Variants in MAST4 observed in about 807,000 individuals in gnomAD.
MAST4 encodes microtubule-associated serine/threonine-protein kinase 4.
In MAST4, 89 loss-of-function variants were observed where a neutral mutation model predicts 162.7. The observed-to-expected ratio is 0.55, with a 90% confidence interval of 0.46 to 0.65. The LOEUF is 0.65. Ranked by LOEUF, MAST4 falls within the 30% of genes least tolerant of loss-of-function variation. The probability of loss-of-function intolerance (pLI) is 0.00; values close to 1 mark genes in which losing one functional copy is unlikely to be tolerated. For missense variants in MAST4, 3,153 were observed against 3,374.0 expected (o/e 0.93, Z 1.62); for synonymous variants, 1,479 against 1,361.1 (o/e 1.09, Z -1.91).
intron 4 of MAST4, chr5:66,986,393 A>C: frequency 1.6e-6 from 2 of 1,227,318 alleles, no homozygotes; most frequent in Non-Finnish European, 2.3e-6. Flanking sequence ...TAGAAAGAAA[A>C]TCTGTAAATG....
intron 4 of MAST4, among the ~76,000 whole-genome samples, chr5:66,980,638 T>C (rs1748682786): frequency 6.6e-6 from 1 of 152,226 alleles, no homozygotes; most frequent in Non-Finnish European, 1.5e-5. Context: ...TTTAGTATGG[T>C]TCAACAAAGA....
intron 4 of MAST4, among the ~76,000 whole-genome samples, chr5:66,971,564 C>T (rs554858793): frequency 3.9e-5 from 6 of 152,202 alleles, no homozygotes; most frequent in Non-Finnish European, 7.3e-5. Context: ...TTGGGCCTCA[C>T]AGCTCAAGAT....
chr5:67,021,643 CAG>C (rs1333580316), intron 4 of MAST4, among the ~76,000 whole-genome samples: 1 of 152,064 alleles, frequency 6.6e-6, no homozygotes, highest in East Asian at 1.9e-4. Context: ...AGTTTCTTAG[CAG>C]TTTTGATTAG....
At chr5:66,940,113 G>GTATA (rs753299840) in intron 4 of MAST4, among the ~76,000 whole-genome samples, 4 of 152,030 alleles carry the variant, frequency 2.6e-5, no homozygotes, top group Non-Finnish European at 4.4e-5. Context: ...GTATATGTAT[G>GTATA]TATATACACA....
intron 3 of MAST4, among the ~76,000 whole-genome samples, chr5:66,802,836 C>G (rs1198174005): frequency 1.3e-5 from 2 of 152,154 alleles, no homozygotes. Flanking sequence ...GCACTTCTTC[C>G]TGACCCCTCT....
At chr5:66,787,355 T>C (rs1329101093) in intron 2 of MAST4, among the ~76,000 whole-genome samples, 1 of 152,166 alleles carries the variant, frequency 6.6e-6, no homozygotes, top group East Asian at 1.9e-4. Context: ...CACTCTATAA[T>C]AAAAGAGTGA....
At chr5:66,671,460 G>C (rs1260106000) in intron 1 of MAST4, among the ~76,000 whole-genome samples, 1 of 152,112 alleles carries the variant, frequency 6.6e-6, no homozygotes, top group East Asian at 1.9e-4. Flanking sequence ...TTCTCTGAAT[G>C]TTTTCTTGGT....
intron 5 of MAST4, among the ~76,000 whole-genome samples, chr5:67,077,284 GC>G (rs1761771540): frequency 6.6e-6 from 1 of 151,908 alleles, no homozygotes; most frequent in Non-Finnish European, 1.5e-5. Flanking sequence ...ACTGATGATT[GC>G]CCTCCACCTC....
chr5:66,947,491 C>T (rs889262380), intron 4 of MAST4, among the ~76,000 whole-genome samples: 4 of 152,102 alleles, frequency 2.6e-5, no homozygotes, highest in Non-Finnish European at 4.4e-5. Context: ...TCTGATTCTT[C>T]GAGGTTTTGA....
intron 1 of MAST4, among the ~76,000 whole-genome samples, chr5:66,704,455 G>A (rs1024509719): frequency 6.7e-5 from 10 of 150,158 alleles, no homozygotes; most frequent in Non-Finnish European, 1.3e-4. Flanking sequence ...TCTGTTGAAA[G>A]CTCCTTTCTT....
chr5:66,626,062 T>A (rs1009774253), intron 1 of MAST4, among the ~76,000 whole-genome samples: 7 of 152,110 alleles, frequency 4.6e-5, no homozygotes, highest in African/African-American at 1.7e-4. Context: ...TAACATAGAA[T>A]CTAAAATATA....
At position 67,155,885 on chromosome 5, in the gene MAST4, C is replaced by G. The variant is rs1041191745; in HGVS notation, c.3648+2305C>G. 2.0e-5 allele frequency among the ~76,000 whole-genome samples: 3 copies of G among 151,964 alleles called. 1 individual carries two copies. In the South Asian group the frequency reaches 6.3e-4, roughly 32 times the overall value. On this transcript the variant is annotated intron_variant, in intron 26 of 28. Coordinates refer to ENST00000403625, the MANE Select transcript of MAST4 (RefSeq NM_001164664.2). ...GACCAGCCTGGCCAAGATGGCGAAA[C>G]CCCATCTCTACTAAAAGTACAAAAA...
intron 1 of MAST4, among the ~76,000 whole-genome samples, chr5:66,698,369 C>G (rs950672012): frequency 6.6e-6 from 1 of 151,684 alleles, no homozygotes; most frequent in African/African-American, 2.4e-5. Context: ...CCCCTTTCCA[C>G]CCATCCCCAC....
intron 1 of MAST4, among the ~76,000 whole-genome samples, chr5:66,634,240 G>A (rs1418824808): frequency 2.0e-5 from 3 of 152,098 alleles, no homozygotes; most frequent in Non-Finnish European, 2.9e-5. Flanking sequence ...TGTATTTTTA[G>A]TAGAGACAGG....
chr5:66,678,003 G>A (rs1392915759), intron 1 of MAST4, among the ~76,000 whole-genome samples: 1 of 152,174 alleles, frequency 6.6e-6, no homozygotes, highest in South Asian at 2.1e-4. Flanking sequence ...GGAAGAGTTT[G>A]AGAATCTTCT....
At chr5:66,891,528 A>G (rs1354497830) in intron 3 of MAST4, among the ~76,000 whole-genome samples, 1 of 152,076 alleles carries the variant, frequency 6.6e-6, no homozygotes, top group African/African-American at 2.4e-5. Context: ...TGAGCTCACC[A>G]TTCCCTATAA....
chr5:66,685,844 A>C (rs1305667485), intron 1 of MAST4, among the ~76,000 whole-genome samples: 1 of 152,150 alleles, frequency 6.6e-6, no homozygotes, highest in Admixed American at 6.5e-5. Context: ...ACCAGGAACC[A>C]GTTTTGTGGA....
intron 14 of MAST4, among the ~76,000 whole-genome samples, chr5:67,128,229 A>T: frequency 6.6e-6 from 1 of 150,442 alleles, no homozygotes; most frequent in Admixed American, 6.6e-5. Context: ...GTTAATCTTA[A>T]TATCAAATCT....
At position 66,754,736 on chromosome 5, in the gene MAST4, A is replaced by G. The variant is rs527249746; in HGVS notation, c.364-4973A>G. 2.6e-5 allele frequency among the ~76,000 whole-genome samples: 4 copies of G among 152,326 alleles called. No individual in the cohort carries two copies. The South Asian group carries it at 8.3e-4, about 32-fold the overall frequency. ...GGAGAAGAGCAAGAAACAAGTACCA[A>G]AGATCTCATATGTCATGTGGTGATA... On this transcript the variant is annotated intron_variant, in intron 1 of 28. Coordinates refer to ENST00000403625, the MANE Select transcript of MAST4 (RefSeq NM_001164664.2).
Sources: gnomAD v4.1 joint callset for allele counts (sites outside exome capture counted in the v4.1 genomes callset) on GRCh38, gnomAD v4.1.1 for gene constraint, MANE v1.5 for transcripts, NCBI Gene and HGNC (gene_info 2026-07-23, HGNC 2026-07-21) for gene names.